Variants in ZNF609 observed in about 807,000 individuals in gnomAD.
ZNF609 encodes zinc finger protein 609.
Under a neutral mutation model 109.5 loss-of-function variants are expected in ZNF609, and 11 were observed. The observed-to-expected ratio is 0.10, with a 90% CI of 0.06 to 0.17. The LOEUF is 0.17. Ranked by LOEUF, ZNF609 falls within the 10% of genes least tolerant of loss-of-function variation. The pLI is 1.00. For missense variants in ZNF609, 1,559 were observed against 1,772.4 expected, an observed-to-expected ratio of 0.88 and a Z score of 2.16; for synonymous variants, 646 against 662.0, an observed-to-expected ratio of 0.98 and a Z score of 0.37.
chr15:64,487,791 C>T (rs1893352936), intron 1 of ZNF609, among the ~76,000 whole-genome samples: 1 of 152,226 alleles, frequency 6.6e-6, no homozygotes, highest in African/African-American at 2.4e-5. Context: ...CGCCACCACG[C>T]CCAGCTAAAT....
At chr15:64,474,083 T>C (rs1893131910) in intron 1 of ZNF609, among the ~76,000 whole-genome samples, 2 of 152,072 alleles carry the variant, frequency 1.3e-5, no homozygotes, top group African/African-American at 2.4e-5. Flanking sequence ...AATTTTTATA[T>C]TTTTAGTAGA....
intron 2 of ZNF609, among the ~76,000 whole-genome samples, chr15:64,575,396 C>T (rs957863223): frequency 4.3e-4 from 63 of 145,686 alleles, no homozygotes; most frequent in African/African-American, 1.6e-3. Flanking sequence ...TGCACTCCAG[C>T]CTGGGCAACA....
intron 1 of ZNF609, among the ~76,000 whole-genome samples, chr15:64,483,761 C>T (rs1417957602): frequency 6.6e-6 from 1 of 152,160 alleles, no homozygotes; most frequent in East Asian, 1.9e-4. Context: ...CCTTGAACTC[C>T]TGGGCTCAAA....
At chr15:64,616,087 T>C (rs1197502268) in intron 2 of ZNF609, among the ~76,000 whole-genome samples, 2 of 152,008 alleles carry the variant, frequency 1.3e-5, no homozygotes, top group African/African-American at 4.8e-5. Flanking sequence ...GGTGCAGTCA[T>C]AGCTGCTGCC....
chr15:64,539,533 T>C (rs1188267597), intron 2 of ZNF609, among the ~76,000 whole-genome samples: 1 of 149,818 alleles, frequency 6.7e-6, no homozygotes, highest in Non-Finnish European at 1.5e-5. Context: ...AGACAGAGTC[T>C]CACTCTGTCA....
At chr15:64,521,795 G>GA (rs1691878634) in intron 2 of ZNF609, among the ~76,000 whole-genome samples, 1 of 152,068 alleles carries the variant, frequency 6.6e-6, no homozygotes, top group African/African-American at 2.4e-5. Flanking sequence ...GCCTTCTGAG[G>GA]AAAAAAGGAA....
Position 64,682,237 on chromosome 15 carries a change from T to G in ZNF609, c.*551T>G, listed in dbSNP as rs1454460182. 6.6e-6 allele frequency: 1 copy of G among 152,538 alleles called. No individual in the cohort carries two copies. The highest frequency in any genetic ancestry group is 1.5e-5 in the Non-Finnish European group (1 of 68,038). 9.4% of individuals were successfully genotyped at this position (152,538 alleles called of 1,614,324 possible). On this transcript the variant is annotated 3_prime_UTR_variant, in exon 10 of 10. Coordinates refer to ENST00000326648, the MANE Select transcript of ZNF609 (RefSeq NM_015042.2). ...GGAACTAGAATCTCAGGAAAGAAAT[T>G]GGGGGTTGTTTTCTACATAATTGTG... is the stretch of plus-strand genomic sequence containing the variant.
intron 3 of ZNF609, among the ~76,000 whole-genome samples, chr15:64,665,132 T>C (rs1722622301): frequency 1.3e-5 from 2 of 152,220 alleles, no homozygotes; most frequent in South Asian, 4.1e-4. Flanking sequence ...GAGATGCCAT[T>C]TCCCTTAAGA....
In ZNF609 at chr15:64,488,925, AG is replaced by A. The variant is rs55905432; in HGVS notation, c.-127-10367del. Among the ~76,000 whole-genome samples, 80 of 65,620 alleles carry A rather than the reference AG, an allele frequency of 1.2e-3. 1 individual carries two copies. The highest frequency in any genetic ancestry group is 2.2e-3 in the African/African-American group (58 of 26,676). The allele number at this position is 65,620 out of a possible 152,430, so 43.0% of individuals were successfully genotyped here. A position where few individuals can be genotyped will look rare whatever the true frequency, so the allele number is the denominator to read the frequency against. On this transcript the variant is annotated intron_variant, in intron 1 of 9. Coordinates refer to ENST00000326648, the MANE Select transcript of ZNF609 (RefSeq NM_015042.2). Reference sequence around the variant, plus strand: ...TTGTTTCTACAAAAAAAAGAAAGAAAGAAAGAAAGAAAGAAAGAAACAATTA... The same window carrying A: ...TTGTTTCTACAAAAAAAAGAAAGAAAAAAGAAAGAAAGAAAGAAACAATTA...
intron 2 of ZNF609, among the ~76,000 whole-genome samples, chr15:64,610,667 T>A (rs928838618): frequency 9.9e-5 from 15 of 152,254 alleles, no homozygotes; most frequent in African/African-American, 3.4e-4. Flanking sequence ...AATTTTTTTT[T>A]AAGAATTTCC....
intron 2 of ZNF609, among the ~76,000 whole-genome samples, chr15:64,535,561 T>C (rs1894129180): frequency 6.6e-6 from 1 of 152,172 alleles, no homozygotes; most frequent in Non-Finnish European, 1.5e-5. Flanking sequence ...TTGGGACTAT[T>C]ATGAAAAAAA....
Position 64,511,754 on chromosome 15 carries a change from G to T in ZNF609, c.747+11588G>T, listed in dbSNP as rs368312028. ...TTTTGAGACTGAGTCTCGCTCTGTC[G>T]CCCAGGCTGGAGTGCAGTGGCGCGA... On this transcript the variant is annotated intron_variant, in intron 2 of 9. Transcript: ENST00000326648. Among the ~76,000 whole-genome samples, 69 of 145,538 alleles carry T rather than the reference G, an allele frequency of 4.7e-4. 1 individual carries two copies. In the East Asian group the frequency reaches 0.014, roughly 29 times the overall value.
intron 1 of ZNF609, among the ~76,000 whole-genome samples, chr15:64,469,650 GT>G (rs1386159532): frequency 2.0e-5 from 3 of 151,966 alleles, no homozygotes; most frequent in Non-Finnish European, 4.4e-5. Context: ...GGAGGGTTTT[GT>G]AGCCTCATTC....
At chr15:64,530,784 T>C (rs910533293) in intron 2 of ZNF609, among the ~76,000 whole-genome samples, 1 of 152,224 alleles carries the variant, frequency 6.6e-6, no homozygotes, top group Non-Finnish European at 1.5e-5. Context: ...TCCTTTGGAA[T>C]TGAAGGTTTT....
chr15:64,583,495 A>G (rs1438732386), intron 2 of ZNF609, among the ~76,000 whole-genome samples: 2 of 152,102 alleles, frequency 1.3e-5, no homozygotes, highest in Non-Finnish European at 2.9e-5. Context: ...TTGATGAGGG[A>G]CCATCCACCT....
chr15:64,557,290 T>G (rs1417951460), intron 2 of ZNF609, among the ~76,000 whole-genome samples: 2 of 152,046 alleles, frequency 1.3e-5, no homozygotes, highest in Non-Finnish European at 2.9e-5. Flanking sequence ...TGCAGTGATT[T>G]CAGAGAACAT....
At chr15:64,608,131 A>C (rs1418771479) in intron 2 of ZNF609, among the ~76,000 whole-genome samples, 2 of 151,852 alleles carry the variant, frequency 1.3e-5, no homozygotes, top group Non-Finnish European at 2.9e-5. Context: ...TCCTGACCTC[A>C]GGCAATCCGC....
chr15:64,673,887 A>C (rs533022024), intron 4 of ZNF609, 29 bp from the exon 5 acceptor site: 26 of 1,583,030 alleles, frequency 1.6e-5, no homozygotes, highest in Non-Finnish European at 2.2e-5. Flanking sequence ...CTTCTTAATA[A>C]TATTCTGTTG....
chr15:64,472,742 A>C (rs1193909616), intron 1 of ZNF609, among the ~76,000 whole-genome samples: 1 of 152,138 alleles, frequency 6.6e-6, no homozygotes, highest in Non-Finnish European at 1.5e-5. Context: ...CTGTAGTTCC[A>C]GCTACATGGG....
Sources: allele counts gnomAD v4.1 joint callset (sites outside exome capture counted in the v4.1 genomes callset), GRCh38; gene constraint gnomAD v4.1.1; transcripts MANE v1.5; gene names NCBI Gene and HGNC (gene_info 2026-07-23, HGNC 2026-07-21).